NMNAT2: variants seen among roughly 807,000 people sequenced by gnomAD.
NMNAT2 encodes nicotinamide/nicotinic acid mononucleotide adenylyltransferase 2.
NMNAT2 carries 11 observed loss-of-function variants against 41.6 expected under a neutral mutation model. The observed-to-expected ratio is 0.26, with a 90% CI of 0.17 to 0.44. The LOEUF is 0.44. Ranked by LOEUF, NMNAT2 falls within the 20% of genes least tolerant of loss-of-function variation. The pLI is 1.00. For missense variants in NMNAT2, 288 were observed against 407.7 expected (o/e 0.71, Z 2.53); for synonymous variants, 148 against 151.2 (o/e 0.98, Z 0.16).
intron 8 of NMNAT2, among the ~76,000 whole-genome samples, chr1:183,267,532 T>C (rs74713356): frequency 0.047 from 7,198 of 152,180 alleles, 210 homozygotes; most frequent in South Asian, 0.12. Flanking sequence ...GGGGTCAAAA[T>C]GAGATACTTG....
At chr1:183,269,731 A>G (rs1471074239) in intron 8 of NMNAT2, among the ~76,000 whole-genome samples, 3 of 152,246 alleles carry the variant, frequency 2.0e-5, no homozygotes, top group Admixed American at 1.3e-4. Context: ...TAGGTGGGGA[A>G]ACCAAGACTC....
chr1:183,286,918 G>C, intron 4 of NMNAT2, 130 bp from the exon 5 acceptor site: 1 of 860,708 alleles, frequency 1.2e-6, no homozygotes, highest in Non-Finnish European at 1.7e-6. Flanking sequence ...CTGGGGATGG[G>C]TTCTAGACCC....
chr1:183,369,277 A>AT (rs1433879175), intron 1 of NMNAT2, among the ~76,000 whole-genome samples: 19 of 72,002 alleles, frequency 2.6e-4, no homozygotes, highest in African/African-American at 9.7e-4. Context: ...TTTTTTTTTT[A>AT]TTATTTATTT....
chr1:183,284,643 T>C, intron 6 of NMNAT2, 67 bp downstream of exon 6: 2 of 1,335,556 alleles, frequency 1.5e-6, no homozygotes, highest in Admixed American at 1.7e-5. Flanking sequence ...GGATCTTTGC[T>C]GAAGGAATGA....
intron 1 of NMNAT2, among the ~76,000 whole-genome samples, chr1:183,329,697 G>C (rs1283191731): frequency 6.6e-6 from 1 of 152,052 alleles, no homozygotes; most frequent in Non-Finnish European, 1.5e-5. Context: ...TTTCCTTCCT[G>C]CTCCTACCTT....
intron 1 of NMNAT2, among the ~76,000 whole-genome samples, chr1:183,358,192 C>T (rs1663236991): frequency 6.6e-6 from 1 of 152,144 alleles, no homozygotes; most frequent in African/African-American, 2.4e-5. Context: ...ATCACCTGTT[C>T]TCAGTTGTAA....
intron 1 of NMNAT2, among the ~76,000 whole-genome samples, chr1:183,342,559 T>A (rs1350275518): frequency 1.3e-5 from 2 of 152,082 alleles, no homozygotes; most frequent in African/African-American, 4.8e-5. Context: ...ACTCTCCACT[T>A]ACTCTGCACA....
intron 7 of NMNAT2, chr1:183,283,623 C>T (rs1372105676): frequency 3.0e-6 from 1 of 338,804 alleles, no homozygotes; most frequent in Non-Finnish European, 5.8e-6. Context: ...TCTACAAGCA[C>T]TGAATGAGGA....
intron 1 of NMNAT2, among the ~76,000 whole-genome samples, chr1:183,349,307 G>T (rs943334216): frequency 6.6e-6 from 1 of 152,242 alleles, no homozygotes; most frequent in Non-Finnish European, 1.5e-5. Context: ...CAGGCAGCCT[G>T]GGAAGAGCTG....
intron 1 of NMNAT2, among the ~76,000 whole-genome samples, chr1:183,337,417 C>G (rs1662699660): frequency 6.6e-6 from 1 of 151,858 alleles, no homozygotes; most frequent in Non-Finnish European, 1.5e-5. Context: ...CCTCACATCA[C>G]TATTTGATAT....
chr1:183,252,836 T>C, intron 10 of NMNAT2, 93 bp from the exon 11 acceptor site: 2 of 890,582 alleles, frequency 2.2e-6, no homozygotes, highest in Non-Finnish European at 3.7e-6. Flanking sequence ...ACCCCATTTG[T>C]AGCCTTTTCT....
chr1:183,260,976 T>G (rs1660642936), intron 10 of NMNAT2, 26 bp downstream of exon 10: 1 of 1,577,986 alleles, frequency 6.3e-7, no homozygotes, highest in Non-Finnish European at 8.7e-7. Flanking sequence ...TTGACTAAAG[T>G]CTCTCTGGCC....
chr1:183,331,762 C>A (rs532877975), intron 1 of NMNAT2, among the ~76,000 whole-genome samples: 5 of 152,118 alleles, frequency 3.3e-5, no homozygotes, highest in African/African-American at 1.2e-4. Context: ...GCCAGCCGCA[C>A]GCCCCACGGT....
intron 1 of NMNAT2, among the ~76,000 whole-genome samples, chr1:183,410,129 T>G (rs1649074939): frequency 6.9e-6 from 1 of 145,804 alleles, no homozygotes; most frequent in Non-Finnish European, 1.5e-5. Context: ...GCCAACATGG[T>G]GAAATCCTGT....
chr1:183,416,866 C>G (rs1361634110), intron 1 of NMNAT2, among the ~76,000 whole-genome samples: 2 of 152,148 alleles, frequency 1.3e-5, no homozygotes, highest in Non-Finnish European at 2.9e-5. Context: ...TAGGAGGGCT[C>G]GCGCAGTCCT....
intron 1 of NMNAT2, among the ~76,000 whole-genome samples, chr1:183,412,209 G>C (rs966275578): frequency 6.6e-6 from 1 of 152,118 alleles, no homozygotes; most frequent in Non-Finnish European, 1.5e-5. Flanking sequence ...CATTTTGAAA[G>C]GATCACTCTG....
At chr1:183,259,378 T>G (rs1341629309) in intron 10 of NMNAT2, among the ~76,000 whole-genome samples, 1 of 152,230 alleles carries the variant, frequency 6.6e-6, no homozygotes, top group East Asian at 1.9e-4. Flanking sequence ...AGGCAATTAC[T>G]TTTTAAAGTC....
chr1:183,303,811 C>T (rs934243581), intron 1 of NMNAT2, among the ~76,000 whole-genome samples: 1 of 152,210 alleles, frequency 6.6e-6, no homozygotes, highest in African/African-American at 2.4e-5. Flanking sequence ...ACCACAGGAG[C>T]CTACCATGCC....
At chr1:183,279,732 T>C (rs530852672) in intron 7 of NMNAT2, among the ~76,000 whole-genome samples, 83 of 152,310 alleles carry the variant, frequency 5.4e-4, no homozygotes, top group African/African-American at 1.2e-3. Context: ...TGGTGGGCAA[T>C]GCCAGCATCT....
Sources: allele counts gnomAD v4.1 joint callset (sites outside exome capture counted in the v4.1 genomes callset), GRCh38; gene constraint gnomAD v4.1.1; transcripts MANE v1.5; gene names NCBI Gene and HGNC (gene_info 2026-07-23, HGNC 2026-07-21).